Variants in DLG2 observed in about 807,000 individuals in gnomAD.
DLG2 encodes the protein discs large MAGUK scaffold protein 2, also known as disks large homolog 2.
DLG2 carries 45 observed loss-of-function variants against 132.5 expected under a neutral mutation model. The observed-to-expected ratio is 0.34, with a 90% CI of 0.27 to 0.44. The LOEUF (loss-of-function observed/expected upper bound fraction) is 0.44. DLG2 is among the 20% of genes least tolerant of loss of function. DLG2 has a pLI of 1.00. For missense variants in DLG2, 1,045 were observed against 1,196.9 expected, an observed-to-expected ratio of 0.87 and a Z score of 1.87; for synonymous variants, 424 against 419.6, an observed-to-expected ratio of 1.01 and a Z score of -0.13.
chr11:84,569,418 C>T (rs1054211044), intron 6 of DLG2, among the ~76,000 whole-genome samples: 1 of 151,686 alleles, frequency 6.6e-6, no homozygotes, highest in Admixed American at 6.6e-5. Flanking sequence ...ATATAAATGA[C>T]TGACAAAGAA....
chr11:84,347,334 T>TA (rs1321121819), intron 7 of DLG2, among the ~76,000 whole-genome samples: 2 of 152,214 alleles, frequency 1.3e-5, no homozygotes, highest in South Asian at 4.1e-4. Flanking sequence ...GTAAGCCATT[T>TA]ACTTGGATTT....
chr11:84,198,919 A>G (rs2096557658), intron 8 of DLG2, among the ~76,000 whole-genome samples: 1 of 152,260 alleles, frequency 6.6e-6, no homozygotes, highest in East Asian at 1.9e-4. Context: ...GGTGCAGGGA[A>G]CAGAAAAGGA....
intron 6 of DLG2, among the ~76,000 whole-genome samples, chr11:84,884,713 T>A (rs1462548218): frequency 6.6e-6 from 1 of 152,092 alleles, no homozygotes; most frequent in Non-Finnish European, 1.5e-5. Flanking sequence ...TTTATTTTCA[T>A]TAGCATATCC....
rs1000260394 is a variant in DLG2 at position 85,559,829 on chromosome 11, T to G, written c.40+38828A>C. Among the ~76,000 whole-genome samples the G allele has an allele frequency of 7.7e-4, 114 of 147,320 alleles. 3 individuals carry two copies. Among genetic ancestry groups the G allele is most frequent in the Non-Finnish European group, 1.3e-3 (87 of 66,398 alleles). On this transcript the variant is annotated intron_variant, in intron 3 of 27. Coordinates refer to ENST00000376104, the MANE Select transcript of DLG2 (RefSeq NM_001142699.3). Reference sequence around the variant, plus strand: ...ATTAGTTAGATGATTGATAGATAGATAGATAGATAGATAGATAGATAGATA... The same window carrying G: ...ATTAGTTAGATGATTGATAGATAGAGAGATAGATAGATAGATAGATAGATA...
chr11:84,776,484 T>C lies in DLG2; in HGVS notation c.358-241753A>G, dbSNP rs996149336. Among the ~76,000 whole-genome samples, 37 of 152,256 alleles carry C rather than the reference T, an allele frequency of 2.4e-4. 1 individual carries two copies. The highest frequency in any genetic ancestry group is 3.4e-3 in the Middle Eastern group (1 of 294). On this transcript the variant is annotated intron_variant, in intron 6 of 27. Transcript: ENST00000376104. ...GATGTTTGATTAACATTTCTACTCA[T>C]GTAATCACTGCTACAGGCAATCGAG...
At chr11:85,059,725 A>G (rs1014421481) in intron 6 of DLG2, among the ~76,000 whole-genome samples, 2 of 151,624 alleles carry the variant, frequency 1.3e-5, no homozygotes, top group Non-Finnish European at 3.0e-5. Context: ...TTGTCATGAT[A>G]AAAGTCAGAG....
chr11:84,392,787 C>G (rs1405225897), intron 7 of DLG2, among the ~76,000 whole-genome samples: 1 of 152,122 alleles, frequency 6.6e-6, no homozygotes, highest in East Asian at 1.9e-4. Flanking sequence ...GTTTACTTAT[C>G]AAATTCTAAA....
intron 4 of DLG2, among the ~76,000 whole-genome samples, chr11:85,259,983 A>C (rs1565228464): frequency 6.6e-6 from 1 of 152,114 alleles, no homozygotes; most frequent in Non-Finnish European, 1.5e-5. Context: ...GTTGGTGAGC[A>C]TTGGGCTAAG....
At chr11:84,791,150 G>A (rs2073787480) in intron 6 of DLG2, among the ~76,000 whole-genome samples, 2 of 152,130 alleles carry the variant, frequency 1.3e-5, no homozygotes, top group African/African-American at 4.8e-5. Context: ...CAGGTCTCAT[G>A]AGAACTCACT....
In DLG2 at chr11:83,562,145, C is replaced by G. The variant is rs191306020; in HGVS notation, c.1941-20287G>C. Among the ~76,000 whole-genome samples, 714 of 152,070 alleles carry G rather than the reference C, an allele frequency of 4.7e-3. 3 individuals carry two copies. The highest frequency in any genetic ancestry group is 0.02 in the Middle Eastern group (6 of 294). ...CTCGTGATCCGCCTGCCTCAGCCTC[C>G]CAAAGTGCTGGGATTACATGCGTGA... is the stretch of plus-strand genomic sequence containing the variant. On this transcript the variant is annotated intron_variant, in intron 19 of 27. Transcript: ENST00000376104.
chr11:84,058,377 C>T (rs2096537203), intron 11 of DLG2, among the ~76,000 whole-genome samples: 1 of 151,494 alleles, frequency 6.6e-6, no homozygotes, highest in African/African-American at 2.4e-5. Context: ...TAGTATGGGC[C>T]AGGTACAGTG....
intron 11 of DLG2, among the ~76,000 whole-genome samples, chr11:84,051,040 C>T (rs2096365397): frequency 6.6e-6 from 1 of 151,792 alleles, no homozygotes; most frequent in East Asian, 1.9e-4. Flanking sequence ...TCATCGCTGG[C>T]CATCAGAGAA....
At chr11:84,985,879 C>T (rs1387808209) in intron 6 of DLG2, among the ~76,000 whole-genome samples, 1 of 149,718 alleles carries the variant, frequency 6.7e-6, no homozygotes, top group Non-Finnish European at 1.5e-5. Context: ...GTAACCCCAG[C>T]TGCTCAGGAG....
Position 84,716,909 on chromosome 11 carries a change from A to G in DLG2, c.358-182178T>C, listed in dbSNP as rs74682223. 6.0e-3 allele frequency among the ~76,000 whole-genome samples: 909 copies of G among 152,178 alleles called. 4 individuals carry two copies. The highest frequency in any genetic ancestry group is 0.01 in the Non-Finnish European group (684 of 67,892). On this transcript the variant is annotated intron_variant, in intron 6 of 27. Coordinates refer to ENST00000376104, the MANE Select transcript of DLG2 (RefSeq NM_001142699.3). ...TAAATGGTGTTGTACTTACGTTTGT[A>G]TCTCTAATGCCCATCATAATGCCTA...
chr11:84,233,947 G>T (rs1216153929), intron 8 of DLG2, among the ~76,000 whole-genome samples: 1 of 152,192 alleles, frequency 6.6e-6, no homozygotes, highest in Non-Finnish European at 1.5e-5. Flanking sequence ...CCTGACACTG[G>T]TGATCAGCAG....
At chr11:85,557,073 T>C (rs928135383) in intron 3 of DLG2, among the ~76,000 whole-genome samples, 3 of 151,804 alleles carry the variant, frequency 2.0e-5, no homozygotes, top group Non-Finnish European at 2.9e-5. Context: ...CTCCTGGAAC[T>C]GATAAACAAC....
intron 2 of DLG2, chr11:85,625,024 G>A (rs985895410): frequency 2.0e-5 from 3 of 152,156 alleles, no homozygotes; most frequent in African/African-American, 4.8e-5. Context: ...GAAACATTAA[G>A]TTCTAAACTT....
intron 3 of DLG2, among the ~76,000 whole-genome samples, chr11:85,324,457 T>A (rs1454389348): frequency 6.6e-6 from 1 of 152,138 alleles, no homozygotes; most frequent in Non-Finnish European, 1.5e-5. Flanking sequence ...CCTTTAAGAT[T>A]TTCATCAAAA....
chr11:85,464,149 C>G (rs543939571), intron 3 of DLG2, among the ~76,000 whole-genome samples: 3 of 152,142 alleles, frequency 2.0e-5, no homozygotes, highest in African/African-American at 7.2e-5. Flanking sequence ...AGTTTAGTTT[C>G]CAACACTACA....
Sources: gnomAD v4.1 joint callset for allele counts (sites outside exome capture counted in the v4.1 genomes callset) on GRCh38, gnomAD v4.1.1 for gene constraint, MANE v1.5 for transcripts, NCBI Gene and HGNC (gene_info 2026-07-23, HGNC 2026-07-21) for gene names.